Variants in ODF2 observed in about 807,000 individuals in gnomAD.
The protein encoded by ODF2 is outer dense fiber protein 2.
In ODF2, 47 loss-of-function variants were observed where a neutral mutation model predicts 110.2. The observed-to-expected ratio is 0.43, with a 90% CI of 0.34 to 0.54. The LOEUF (loss-of-function observed/expected upper bound fraction) is 0.54. Ranked by LOEUF, ODF2 falls within the 20% of genes least tolerant of loss-of-function variation. ODF2 has a pLI of 0.03. For missense variants in ODF2, 812 were observed against 1,054.5 expected (o/e 0.77, Z 3.19); for synonymous variants, 352 against 397.7 (o/e 0.89, Z 1.37).
At chr9:128,479,002 A>T (rs777621687) in intron 8 of ODF2, among the ~76,000 whole-genome samples, 6 of 152,180 alleles carry the variant, frequency 3.9e-5, no homozygotes, top group Non-Finnish European at 5.9e-5. Flanking sequence ...GTTCATGCAC[A>T]TAGGATGGCA....
Position 128,490,126 on chromosome 9 carries a change from C to G in ODF2, c.1536+2101C>G, listed in dbSNP as rs78643413. 3.9e-3 allele frequency among the ~76,000 whole-genome samples: 592 copies of G among 152,232 alleles called. 1 individual carries two copies. Among genetic ancestry groups the G allele is most frequent in the Non-Finnish European group, 6.0e-3 (408 of 68,020 alleles). On this transcript the variant is annotated intron_variant, in intron 14 of 20. Transcript: ENST00000604420. ...AGAGGACTGCTTGAGGCCAGGACTT[C>G]TAGACCAGCCTGGGCAACCCCAGCA...
In ODF2 at chr9:128,498,916, C is replaced by G. The variant is rs868373804; in HGVS notation, c.2176-85C>G. The G allele has an allele frequency of 3.0e-5, 47 of 1,560,918 alleles. No individual in the cohort carries two copies. In the Middle Eastern group the frequency reaches 6.8e-4, roughly 23 times the overall value. ...TGATGTGCAAGTGCTGTCTGCAAGACCAGATAGTGGGCCCAGCCTTCTCTT... is the reference window on the plus strand; with the variant it reads ...TGATGTGCAAGTGCTGTCTGCAAGAGCAGATAGTGGGCCCAGCCTTCTCTT... On this transcript the variant is annotated intron_variant, in intron 19 of 20. Coordinates refer to ENST00000604420, the Ensembl canonical transcript of ODF2.
At chr9:128,495,292 C>T (rs1845397133) in intron 17 of ODF2, among the ~76,000 whole-genome samples, 1 of 152,242 alleles carries the variant, frequency 6.6e-6, no homozygotes, top group South Asian at 2.1e-4. Context: ...TTCCTGCATT[C>T]TCTCATTTAA....
chr9:128,469,571 C>T (rs1839190678), intron 5 of ODF2: 1 of 565,852 alleles, frequency 1.8e-6, no homozygotes, highest in Non-Finnish European at 3.1e-6. Flanking sequence ...TGTAGCTGTC[C>T]TGGTGCTCCA....
intron 18 of ODF2, chr9:128,498,185 C>G: frequency 2.3e-6 from 1 of 441,460 alleles, no homozygotes. Flanking sequence ...AGCCCACGGT[C>G]AGTCTCTGCG....
chr9:128,496,166 T>C, intron 18 of ODF2, 25 bp downstream of exon 18: 1 of 1,612,800 alleles, frequency 6.2e-7, no homozygotes, highest in Non-Finnish European at 8.5e-7. Context: ...GTCCCATCTC[T>C]GTCCTCTTCC....
chr9:128,486,572 T>C (rs139609312), intron 13 of ODF2, among the ~76,000 whole-genome samples: 2 of 152,314 alleles, frequency 1.3e-5, no homozygotes, highest in African/African-American at 2.4e-5. Flanking sequence ...GTGGTCAAGA[T>C]AGAGGAGTAA....
Position 128,494,536 on chromosome 9 carries a change from G to T in ODF2, c.1779G>T (p.Leu593=), listed in dbSNP as rs1845256988. 3.1e-6 allele frequency: 5 copies of T among 1,614,172 alleles called. No homozygotes were observed. The highest frequency in any genetic ancestry group is 4.2e-6 in the Non-Finnish European group (5 of 1,180,032). Reference sequence around the variant, plus strand: ...CACGAAGGCAGTTCCAGTCTCAGCTGGCTGACCTGCAGCAGCTCCCTGACA... The same window carrying T: ...CACGAAGGCAGTTCCAGTCTCAGCTTGCTGACCTGCAGCAGCTCCCTGACA... The change falls in exon 17 of 21, where the codon CTG becomes CTT. Residue 593 remains leucine, a synonymous_variant. Transcript: ENST00000604420. This position sits in a 1 kb window ranked among gnomAD's most constrained non-coding sequence, Gnocchi z 4.6.
rs945783803 is a variant in ODF2 at position 128,482,798 on chromosome 9, G to A, written c.916-18G>A. ...TTGCCCTTCCCAGGGGCACCTGACA[G>A]CCTGTGTTCTCTCCCAGCGCCTGCT... On this transcript the variant is annotated intron_variant, in intron 9 of 20. Coordinates refer to ENST00000604420, the Ensembl canonical transcript of ODF2. The A allele has an allele frequency of 6.2e-7, 1 of 1,610,344 alleles. No individual in the cohort carries two copies.
At chr9:128,495,617 T>G (rs759159289) in intron 17 of ODF2, among the ~76,000 whole-genome samples, 4 of 152,224 alleles carry the variant, frequency 2.6e-5, no homozygotes, top group Non-Finnish European at 4.4e-5. Flanking sequence ...GATTTCCTGT[T>G]GTCTTGCCTG....
intron 8 of ODF2, among the ~76,000 whole-genome samples, chr9:128,480,170 T>A (rs941969524): frequency 4.6e-5 from 7 of 152,194 alleles, no homozygotes; most frequent in Non-Finnish European, 7.3e-5. Flanking sequence ...TTATGTTACA[T>A]ATATTTTACC....
At chr9:128,458,614 G>A (rs1458964451) in intron 2 of ODF2, among the ~76,000 whole-genome samples, 1 of 142,862 alleles carries the variant, frequency 7.0e-6, no homozygotes, top group African/African-American at 2.6e-5. Flanking sequence ...GGCTGTCTTT[G>A]CAGATCTGGT....
At chr9:128,456,890 C>T (rs1002965576) in intron 1 of ODF2, 7 of 1,293,204 alleles carry the variant, frequency 5.4e-6, no homozygotes, top group Admixed American at 3.5e-5. Flanking sequence ...CACTATTGGT[C>T]CTCTCGGGCA....
chr9:128,486,234 T>TCTTA (rs1353841148), intron 13 of ODF2, among the ~76,000 whole-genome samples: 2 of 152,126 alleles, frequency 1.3e-5, no homozygotes, highest in East Asian at 3.9e-4. Flanking sequence ...CAGGAAAGTC[T>TCTTA]CTTACTGTAT....
chr9:128,473,084 C>T (rs764593008), intron 7 of ODF2, 42 bp downstream of exon 7: 29 of 1,611,826 alleles, frequency 1.8e-5, no homozygotes, highest in South Asian at 7.7e-5. Context: ...GAACTGGCCT[C>T]GGGAGGGGGC....
intron 4 of ODF2, among the ~76,000 whole-genome samples, chr9:128,462,670 G>A (rs1384430828): frequency 6.6e-6 from 1 of 151,774 alleles, no homozygotes; most frequent in East Asian, 1.9e-4. Flanking sequence ...TGCAATCTCG[G>A]CCCACTGCAA....
rs372513630 is a variant in ODF2 at position 128,494,575 on chromosome 9, G to A, written c.1818G>A (p.Thr606=). 3.3e-5 allele frequency: 54 copies of A among 1,614,036 alleles called. No homozygotes were observed. The highest frequency in any genetic ancestry group is 4.1e-5 in the Non-Finnish European group (48 of 1,180,038). ...AGCTCCCTGACATCCTGAAGATCACGGAGGCGAAGCTGGCTGAGTGCCAAG... is the reference window on the plus strand; with the variant it reads ...AGCTCCCTGACATCCTGAAGATCACAGAGGCGAAGCTGGCTGAGTGCCAAG... Residue 606 remains threonine, a synonymous_variant, in exon 17 of 21, where the codon ACG becomes ACA. Coordinates refer to ENST00000604420, the Ensembl canonical transcript of ODF2. This position sits in a 1 kb window ranked among gnomAD's most constrained non-coding sequence, Gnocchi z 4.6.
chr9:128,456,784 C>A, intron 1 of ODF2: 1 of 1,331,398 alleles, frequency 7.5e-7, no homozygotes, highest in Non-Finnish European at 9.7e-7. Flanking sequence ...CCGCCCCCTC[C>A]CAGCCCGGCG....
At position 128,485,256 on chromosome 9, in the gene ODF2, A is replaced by G. The variant is rs1843140228; in HGVS notation, c.1291-109A>G. 9 of 643,452 alleles carry G rather than the reference A, an allele frequency of 1.4e-5. No individual in the cohort carries two copies. Among genetic ancestry groups the G allele is most frequent in the Non-Finnish European group, 2.5e-5 (9 of 359,918 alleles). 39.9% of individuals were successfully genotyped at this position (643,452 alleles called of 1,614,324 possible). A position where few individuals can be genotyped will look rare whatever the true frequency, so the allele number is the denominator to read the frequency against. ...CTCTAGAAAGGTGAATTCCAGAATG[A>G]GGTTTAGGTTACCAGGGTGAGAAAC... is the stretch of plus-strand genomic sequence containing the variant. On this transcript the variant is annotated intron_variant, in intron 12 of 20. Coordinates refer to ENST00000604420, the Ensembl canonical transcript of ODF2. The surrounding 1 kb of genome is among the most constrained non-coding windows in gnomAD (Gnocchi z 5.0).
Sources: allele counts gnomAD v4.1 joint callset (sites outside exome capture counted in the v4.1 genomes callset), GRCh38; gene constraint gnomAD v4.1.1; non-coding constraint Gnocchi (gnomAD v3.1); transcripts MANE v1.5; gene names NCBI Gene and HGNC (gene_info 2026-07-23, HGNC 2026-07-21).